KANK1: variants seen among roughly 807,000 people sequenced by gnomAD.
KANK1 encodes the protein KN motif and ankyrin repeat domains 1, also known as KN motif and ankyrin repeat domain-containing protein 1.
Under a neutral mutation model 106.2 loss-of-function variants are expected in KANK1, and 109 were observed. That is an observed-to-expected ratio of 1.03 (90% CI 0.88 to 1.20). KANK1 has a LOEUF of 1.20. Among genes scored for constraint, KANK1 ranks in the 50% most tolerant of loss-of-function variants. The pLI is 0.00. For missense variants in KANK1, 2,399 were observed against 1,710.7 expected, an observed-to-expected ratio of 1.40 and a Z score of -7.10; for synonymous variants, 873 against 652.2, an observed-to-expected ratio of 1.34 and a Z score of -5.16.
intron 3 of KANK1, among the ~76,000 whole-genome samples, chr9:726,992 G>A (rs1307937744): frequency 6.6e-6 from 1 of 152,140 alleles, no homozygotes; most frequent in African/African-American, 2.4e-5. Context: ...ATTTACCAAA[G>A]TAGGTTTATT....
At chr9:620,747 C>G (rs2136384592) in intron 1 of KANK1, among the ~76,000 whole-genome samples, 1 of 152,036 alleles carries the variant, frequency 6.6e-6, no homozygotes, top group Middle Eastern at 3.4e-3. Flanking sequence ...TTTCAAAAAC[C>G]AATTTTAAAA....
chr9:695,616 G>A (rs960739381), intron 2 of KANK1, among the ~76,000 whole-genome samples: 1 of 148,544 alleles, frequency 6.7e-6, no homozygotes, highest in Non-Finnish European at 1.5e-5. Flanking sequence ...CGTGGGGGGG[G>A]GGGCAAGGTA....
Position 481,464 on chromosome 9 carries a change from A to T in KANK1, c.-362+8191A>T, listed in dbSNP as rs1004529102. ...GTATAAAAATAATGCACTTTTATCTAATAAGAGCCAAACACATTAACCTCT... is the reference window on the plus strand; with the variant it reads ...GTATAAAAATAATGCACTTTTATCTTATAAGAGCCAAACACATTAACCTCT... On this transcript the variant is annotated intron_variant, in intron 3 of 15. Transcript: ENST00000382303. 5.9e-5 allele frequency among the ~76,000 whole-genome samples: 9 copies of T among 152,336 alleles called. No homozygotes were observed. The South Asian group carries it at 6.2e-4, about 11-fold the overall frequency.
intron 2 of KANK1, among the ~76,000 whole-genome samples, chr9:686,415 T>G (rs1467438854): frequency 6.6e-6 from 1 of 152,208 alleles, no homozygotes; most frequent in Non-Finnish European, 1.5e-5. Context: ...GCTGAGCTTA[T>G]GCAGCATGTA....
intron 1 of KANK1, among the ~76,000 whole-genome samples, chr9:626,759 TC>T (rs113353167): frequency 9.4e-4 from 143 of 152,302 alleles, no homozygotes; most frequent in African/African-American, 3.4e-3. Context: ...CACAGTACTC[TC>T]ACATCCACCC....
At position 552,887 on chromosome 9, in the gene KANK1, G is replaced by A. The variant is rs138988517; in HGVS notation, c.-84+48133G>A. Among the ~76,000 whole-genome samples the A allele has an allele frequency of 2.5e-3, 375 of 152,334 alleles. 2 individuals carry two copies. The highest frequency in any genetic ancestry group is 8.9e-3 in the South Asian group (43 of 4,832). ...TGGCTGGCCGCAGTGGCTCACGCCT[G>A]TAATCCTAGGACTTTGGGAAGCCAA... On this transcript the variant is annotated intron_variant, in intron 1 of 11. Coordinates refer to ENST00000382297, the MANE Select transcript of KANK1 (RefSeq NM_015158.5).
At chr9:699,899 T>C (rs779974195) in intron 2 of KANK1, among the ~76,000 whole-genome samples, 5 of 152,122 alleles carry the variant, frequency 3.3e-5, no homozygotes, top group Non-Finnish European at 7.4e-5. Flanking sequence ...GGAGGATCGC[T>C]TGAGCTGGGG....
intron 1 of KANK1, among the ~76,000 whole-genome samples, chr9:515,115 G>A (rs865871255): frequency 4.0e-5 from 6 of 151,660 alleles, no homozygotes; most frequent in African/African-American, 1.5e-4. Context: ...AGGCAGAGGC[G>A]GGTGGATCAT....
chr9:669,007 G>C (rs1845307096), intron 1 of KANK1, among the ~76,000 whole-genome samples: 1 of 152,056 alleles, frequency 6.6e-6, no homozygotes. Flanking sequence ...ACCAGTACTG[G>C]TCCATGGCTC....
intron 3 of KANK1, among the ~76,000 whole-genome samples, chr9:718,388 C>A (rs1828337147): frequency 7.1e-6 from 1 of 140,614 alleles, no homozygotes; most frequent in Non-Finnish European, 1.5e-5. Context: ...TCACAGCTTG[C>A]TGTAGCCTGA....
intron 1 of KANK1, among the ~76,000 whole-genome samples, chr9:547,850 G>A (rs569379796): frequency 6.6e-6 from 1 of 152,340 alleles, no homozygotes; most frequent in East Asian, 1.9e-4. Flanking sequence ...ACAAAAAGTG[G>A]TAAGTTTTAG....
intron 1 of KANK1, chr9:540,637 C>G (rs142400498): frequency 1.3e-5 from 2 of 152,262 alleles, no homozygotes; most frequent in East Asian, 1.9e-4. Context: ...CCAGTGAAGC[C>G]GTGACATCCT....
At chr9:575,951 A>G (rs117237709) in intron 1 of KANK1, among the ~76,000 whole-genome samples, 210 of 152,348 alleles carry the variant, frequency 1.4e-3, no homozygotes, top group Non-Finnish European at 2.2e-3. Context: ...TGAACCCAGT[A>G]TGTGGAGGTT....
At chr9:511,279 G>A (rs1198998267) in intron 1 of KANK1, among the ~76,000 whole-genome samples, 1 of 152,158 alleles carries the variant, frequency 6.6e-6, no homozygotes. Flanking sequence ...ATAATACCAT[G>A]GTCAGTCATA....
intron 3 of KANK1, among the ~76,000 whole-genome samples, chr9:716,098 G>C (rs900223857): frequency 6.6e-6 from 1 of 152,148 alleles, no homozygotes; most frequent in African/African-American, 2.4e-5. Flanking sequence ...TAGGGAATTT[G>C]GGTCTGACAC....
intron 9 of KANK1, among the ~76,000 whole-genome samples, chr9:741,792 T>C (rs1227740585): frequency 2.0e-5 from 3 of 151,610 alleles, no homozygotes; most frequent in East Asian, 1.9e-4. Context: ...AGCCCCTGGC[T>C]TTTTTTTAAG....
rs963885690 is a variant in KANK1 at position 727,165 on chromosome 9, C to A, written c.2699-2886C>A. On this transcript the variant is annotated intron_variant, in intron 3 of 11. Coordinates refer to ENST00000382297, the MANE Select transcript of KANK1 (RefSeq NM_015158.5). Reference sequence around the variant, plus strand: ...CAAGCAGACTGTCTGCCTCTTTTTACTGTTTTAAACATGGAAACAATAGCC... The same window carrying A: ...CAAGCAGACTGTCTGCCTCTTTTTAATGTTTTAAACATGGAAACAATAGCC... 7.2e-5 allele frequency among the ~76,000 whole-genome samples: 11 copies of A among 152,284 alleles called. No individual in the cohort carries two copies. The East Asian group carries it at 2.1e-3, about 29-fold the overall frequency.
Position 593,168 on chromosome 9 carries a change from C to G in KANK1, c.-83-83722C>G, listed in dbSNP as rs929412419. On this transcript the variant is annotated intron_variant, in intron 1 of 11. Transcript: ENST00000382297. ...TACCTTTCCTAACTGCCTCTTATCT[C>G]TAGATGTGGAATAAAAATCCTTTGG... 1.6e-4 allele frequency among the ~76,000 whole-genome samples: 25 copies of G among 151,812 alleles called. 1 individual carries two copies. The highest frequency in any genetic ancestry group is 6.1e-4 in the African/African-American group (25 of 41,124).
At chr9:541,131 A>C (rs902748916) in intron 1 of KANK1, among the ~76,000 whole-genome samples, 2 of 152,084 alleles carry the variant, frequency 1.3e-5, no homozygotes, top group Non-Finnish European at 2.9e-5. Flanking sequence ...ACGAAAAAAA[A>C]ACACAAAAAA....
Sources: gnomAD v4.1 joint callset for allele counts (sites outside exome capture counted in the v4.1 genomes callset) on GRCh38, gnomAD v4.1.1 for gene constraint, MANE v1.5 for transcripts, NCBI Gene and HGNC (gene_info 2026-07-23, HGNC 2026-07-21) for gene names.